Variants in LHFPL3 observed in about 807,000 individuals in gnomAD.
The protein encoded by LHFPL3 is LHFPL tetraspan subfamily member 3 protein.
LHFPL3 carries 5 observed loss-of-function variants against 19.3 expected under a neutral mutation model. The observed-to-expected ratio is 0.26, with a 90% CI of 0.14 to 0.54. The LOEUF is 0.54. Ranked by LOEUF, LHFPL3 falls within the 20% of genes least tolerant of loss-of-function variation. The pLI, the probability that LHFPL3 is intolerant of heterozygous loss-of-function variation, is 0.94. For synonymous variants in LHFPL3, 133 were observed against 126.2 expected (o/e 1.05, Z -0.36); for missense variants, 249 against 307.4 (o/e 0.81, Z 1.42).
At chr7:104,720,702 A>G (rs1232522626) in intron 1 of LHFPL3, among the ~76,000 whole-genome samples, 2 of 152,228 alleles carry the variant, frequency 1.3e-5, no homozygotes, top group Non-Finnish European at 2.9e-5. Flanking sequence ...CAAGAAAAAA[A>G]ACACCCCATC....
intron 1 of LHFPL3, among the ~76,000 whole-genome samples, chr7:104,444,920 G>A (rs969644882): frequency 9.2e-5 from 14 of 152,186 alleles, no homozygotes; most frequent in South Asian, 2.1e-4. Context: ...CCTGGGAGGT[G>A]GAGGTTGCGG....
At chr7:104,760,367 C>A (rs1469283728) in intron 2 of LHFPL3, among the ~76,000 whole-genome samples, 1 of 152,086 alleles carries the variant, frequency 6.6e-6, no homozygotes, top group Admixed American at 6.6e-5. Context: ...TGTTATGAAC[C>A]TTTTTATTCC....
At chr7:104,811,107 TTCTTTCTCTC>T (rs1172973899) in intron 2 of LHFPL3, among the ~76,000 whole-genome samples, 1 of 148,860 alleles carries the variant, frequency 6.7e-6, no homozygotes, top group Non-Finnish European at 1.5e-5. Flanking sequence ...TGAGATCTCT[TTCTTTCTCTC>T]TCTTTCTCTC....
intron 2 of LHFPL3, among the ~76,000 whole-genome samples, chr7:104,790,117 T>C (rs2470967): frequency 0.21 from 32,629 of 152,044 alleles, 3,645 homozygotes; most frequent in Middle Eastern, 0.27. Context: ...GGACTGTGTT[T>C]ATTCACCAGG....
chr7:104,436,697 C>T lies in LHFPL3; in HGVS notation c.445+107473C>T, dbSNP rs77078044. On this transcript the variant is annotated intron_variant, in intron 1 of 2. Coordinates refer to ENST00000424859, the MANE Select transcript of LHFPL3 (RefSeq NM_199000.3). ...GGAAGGGCAGCATTATCGTTAGCTG[C>T]ATTTACTAAATCATGATGCTCAGAC... 1.4e-3 allele frequency among the ~76,000 whole-genome samples: 220 copies of T among 152,318 alleles called. 6 individuals are homozygous for T. In the East Asian group the frequency reaches 0.038, roughly 26 times the overall value.
chr7:104,605,777 A>C (rs1341564985), intron 1 of LHFPL3, among the ~76,000 whole-genome samples: 1 of 151,994 alleles, frequency 6.6e-6, no homozygotes, highest in Non-Finnish European at 1.5e-5. Context: ...ACCACTGTTG[A>C]TGCAACTGCA....
At chr7:104,360,072 C>T (rs1327618625) in intron 1 of LHFPL3, among the ~76,000 whole-genome samples, 2 of 152,190 alleles carry the variant, frequency 1.3e-5, no homozygotes, top group African/African-American at 2.4e-5. Flanking sequence ...TTCCGTTGCA[C>T]CATGGTAACA....
chr7:104,370,518 G>A (rs973897382), intron 1 of LHFPL3, among the ~76,000 whole-genome samples: 1 of 152,168 alleles, frequency 6.6e-6, no homozygotes, highest in African/African-American at 2.4e-5. Context: ...TACTGGAGGG[G>A]TGGGTTTGAA....
chr7:104,756,068 G>A (rs1342962148), intron 2 of LHFPL3, among the ~76,000 whole-genome samples: 4 of 152,072 alleles, frequency 2.6e-5, no homozygotes, highest in African/African-American at 9.7e-5. Flanking sequence ...GGTTGGGATG[G>A]GGAGTGGGGA....
At chr7:104,505,316 C>T (rs1251852333) in intron 1 of LHFPL3, among the ~76,000 whole-genome samples, 1 of 152,178 alleles carries the variant, frequency 6.6e-6, no homozygotes, top group Non-Finnish European at 1.5e-5. Context: ...TTAAAGCCGT[C>T]ACATTCAAAT....
intron 1 of LHFPL3, among the ~76,000 whole-genome samples, chr7:104,330,304 G>T (rs991574677): frequency 6.6e-6 from 1 of 152,188 alleles, no homozygotes; most frequent in Non-Finnish European, 1.5e-5. Context: ...GGATGGTCTG[G>T]TTGTAGAAGG....
At chr7:104,746,606 T>C (rs1172036095) in intron 2 of LHFPL3, among the ~76,000 whole-genome samples, 1 of 152,238 alleles carries the variant, frequency 6.6e-6, no homozygotes, top group Non-Finnish European at 1.5e-5. Context: ...TAAAATTTTA[T>C]TGTTGCCTTT....
At chr7:104,662,849 T>C (rs1002955882) in intron 1 of LHFPL3, among the ~76,000 whole-genome samples, 2 of 152,226 alleles carry the variant, frequency 1.3e-5, no homozygotes, top group Admixed American at 6.5e-5. Flanking sequence ...AGTTCACTGA[T>C]TTTTAAAGTC....
intron 2 of LHFPL3, chr7:104,796,630 A>T (rs1005041435): frequency 2.6e-5 from 4 of 152,544 alleles, no homozygotes; most frequent in Non-Finnish European, 5.9e-5. Context: ...AGGACATGAC[A>T]GGAAATCTAG....
chr7:104,649,973 A>G (rs1792001120), intron 1 of LHFPL3, among the ~76,000 whole-genome samples: 1 of 152,210 alleles, frequency 6.6e-6, no homozygotes. Context: ...TAGATCCTCA[A>G]GTAGCTTCCA....
intron 1 of LHFPL3, among the ~76,000 whole-genome samples, chr7:104,691,704 T>C (rs929397713): frequency 2.0e-5 from 3 of 152,216 alleles, no homozygotes; most frequent in Non-Finnish European, 4.4e-5. Context: ...TAGATGGACC[T>C]CTCTGAGTGG....
intron 1 of LHFPL3, among the ~76,000 whole-genome samples, chr7:104,591,311 G>A (rs138452465): frequency 1.3e-4 from 20 of 152,226 alleles, no homozygotes; most frequent in African/African-American, 4.8e-4. Context: ...CAGGCCTGAT[G>A]GTGACAAAAG....
intron 1 of LHFPL3, among the ~76,000 whole-genome samples, chr7:104,420,964 C>CTGGGAT (rs1791721331): frequency 1.3e-5 from 2 of 152,126 alleles, no homozygotes; most frequent in Non-Finnish European, 2.9e-5. Flanking sequence ...TAGTGGACTA[C>CTGGGAT]ACGTGGGATA....
chr7:104,860,926 CT>C (rs1260604667), intron 2 of LHFPL3, among the ~76,000 whole-genome samples: 3 of 152,118 alleles, frequency 2.0e-5, no homozygotes, highest in African/African-American at 7.2e-5. Flanking sequence ...TAAATTTTTT[CT>C]GGGATATGTT....
Sources: allele counts gnomAD v4.1 joint callset (sites outside exome capture counted in the v4.1 genomes callset), GRCh38; gene constraint gnomAD v4.1.1; transcripts MANE v1.5; gene names NCBI Gene and HGNC (gene_info 2026-07-23, HGNC 2026-07-21).